KCNJ6: variants seen among roughly 807,000 people sequenced by gnomAD.
KCNJ6 encodes the protein potassium inwardly rectifying channel subfamily J member 6, also known as G protein-activated inward rectifier potassium channel 2.
Under a neutral mutation model 34.2 loss-of-function variants are expected in KCNJ6, and 9 were observed. That is an observed-to-expected ratio of 0.26 (90% CI 0.16 to 0.46). The LOEUF is 0.46. Ranked by LOEUF, KCNJ6 falls within the 20% of genes least tolerant of loss-of-function variation. KCNJ6 has a pLI of 1.00. For synonymous variants in KCNJ6, 196 were observed against 207.1 expected (o/e 0.95, Z 0.46); for missense variants, 236 against 531.3 (o/e 0.44, Z 5.46).
At chr21:37,682,825 T>C (rs1361363649) in intron 3 of KCNJ6, among the ~76,000 whole-genome samples, 1 of 152,166 alleles carries the variant, frequency 6.6e-6, no homozygotes, top group Non-Finnish European at 1.5e-5. Context: ...GGGCCAATTC[T>C]GGGTCCTGCT....
intron 3 of KCNJ6, among the ~76,000 whole-genome samples, chr21:37,662,231 G>C (rs540674972): frequency 4.6e-5 from 7 of 152,126 alleles, no homozygotes; most frequent in Non-Finnish European, 7.4e-5. Context: ...AGCATTAACT[G>C]TTTTTCTTGA....
intron 2 of KCNJ6, among the ~76,000 whole-genome samples, chr21:37,731,314 G>A (rs1410379351): frequency 6.6e-6 from 1 of 152,102 alleles, no homozygotes; most frequent in East Asian, 1.9e-4. Context: ...TGGGGATGGA[G>A]GAGAAGGGAT....
At chr21:37,801,245 T>C (rs913566794) in intron 2 of KCNJ6, among the ~76,000 whole-genome samples, 1 of 152,190 alleles carries the variant, frequency 6.6e-6, no homozygotes, top group African/African-American at 2.4e-5. Context: ...TCATTTATTG[T>C]CTGGGTTTTG....
intron 2 of KCNJ6, among the ~76,000 whole-genome samples, chr21:37,737,462 C>T (rs977952644): frequency 6.6e-6 from 1 of 151,888 alleles, no homozygotes; most frequent in Admixed American, 6.5e-5. Context: ...TCTCTGTTGG[C>T]GTTTGTTTGT....
chr21:37,876,764 T>A (rs997843313), intron 1 of KCNJ6, among the ~76,000 whole-genome samples: 2 of 152,052 alleles, frequency 1.3e-5, no homozygotes, highest in African/African-American at 4.8e-5. Flanking sequence ...CCAGCAACAA[T>A]TGGACAAGTT....
At chr21:37,899,060 C>T (rs79300399) in intron 1 of KCNJ6, among the ~76,000 whole-genome samples, 2,274 of 152,246 alleles carry the variant, frequency 0.015, 112 homozygotes, top group East Asian at 0.13. Context: ...ATATTTCCCT[C>T]CTTCTGTTAA....
chr21:37,859,630 T>C (rs1310815503), intron 1 of KCNJ6, among the ~76,000 whole-genome samples: 3 of 150,600 alleles, frequency 2.0e-5, no homozygotes, highest in Non-Finnish European at 4.4e-5. Flanking sequence ...ATGGTAGTTG[T>C]ACTGTATCTC....
chr21:37,710,939 C>T (rs971402024), intron 3 of KCNJ6, among the ~76,000 whole-genome samples: 1 of 152,140 alleles, frequency 6.6e-6, no homozygotes, highest in African/African-American at 2.4e-5. Flanking sequence ...GATTCATTTT[C>T]AAAAATAGAA....
At chr21:37,821,976 C>G (rs2055375136) in intron 2 of KCNJ6, among the ~76,000 whole-genome samples, 1 of 152,168 alleles carries the variant, frequency 6.6e-6, no homozygotes, top group Non-Finnish European at 1.5e-5. Flanking sequence ...GACTGCATAT[C>G]TGAGTCAATG....
chr21:37,791,238 C>T (rs2055215429), intron 2 of KCNJ6, among the ~76,000 whole-genome samples: 3 of 152,114 alleles, frequency 2.0e-5, no homozygotes, highest in African/African-American at 4.8e-5. Context: ...CATTTGGGGG[C>T]ATTTAATAAA....
In KCNJ6 at chr21:37,609,281, A is replaced by T. The variant is rs983260456; in HGVS notation, c.*15878T>A. On this transcript the variant is annotated 3_prime_UTR_variant, in exon 4 of 4. Transcript: ENST00000609713. ...GCTTTCTTTGCTTAACTAGTTCTTGAAAATTCTGTGTGATGGTGAGAATAA... is the reference window on the plus strand; with the variant it reads ...GCTTTCTTTGCTTAACTAGTTCTTGTAAATTCTGTGTGATGGTGAGAATAA... 8 of 152,174 alleles carry T rather than the reference A, an allele frequency of 5.3e-5. No homozygotes were observed. The highest frequency in any genetic ancestry group is 1.9e-4 in the African/African-American group (8 of 41,430). 9.4% of individuals were successfully genotyped at this position (152,174 alleles called of 1,614,324 possible).
intron 2 of KCNJ6, among the ~76,000 whole-genome samples, chr21:37,811,200 G>A (rs576956305): frequency 6.6e-6 from 1 of 152,272 alleles, no homozygotes; most frequent in Non-Finnish European, 1.5e-5. Context: ...ACTCCATGGG[G>A]ATAGGAACCC....
chr21:37,686,872 C>A (rs1372268181), intron 3 of KCNJ6, among the ~76,000 whole-genome samples: 2 of 151,812 alleles, frequency 1.3e-5, no homozygotes, highest in Non-Finnish European at 2.9e-5. Flanking sequence ...GTAGGCTTGA[C>A]AGGAAGGAAG....
intron 2 of KCNJ6, among the ~76,000 whole-genome samples, chr21:37,730,674 G>A (rs1328355663): frequency 6.6e-6 from 1 of 152,220 alleles, no homozygotes; most frequent in Non-Finnish European, 1.5e-5. Flanking sequence ...TGGAAGCTAA[G>A]AGCCTGCTTG....
chr21:37,721,711 C>T (rs1047429706), intron 2 of KCNJ6, among the ~76,000 whole-genome samples: 1 of 152,228 alleles, frequency 6.6e-6, no homozygotes, highest in Non-Finnish European at 1.5e-5. Flanking sequence ...CAGGCTACAA[C>T]ATGGCCTCAT....
Position 37,609,753 on chromosome 21 carries a change from C to T in KCNJ6, c.*15406G>A, listed in dbSNP as rs761784097. The T allele has an allele frequency of 6.6e-6, 1 of 151,750 alleles. No homozygotes were observed. The highest frequency in any genetic ancestry group is 1.5e-5 in the Non-Finnish European group (1 of 67,972). 9.4% of individuals were successfully genotyped at this position (151,750 alleles called of 1,614,324 possible). A position where few individuals can be genotyped will look rare whatever the true frequency, so the allele number is the denominator to read the frequency against. On this transcript the variant is annotated 3_prime_UTR_variant, in exon 4 of 4. Transcript: ENST00000609713. ...TTTGTTTTGTTTTTCTGACTGGGGCCCTAGGTGCATGCTTTAGGGAGGGTA... is the reference window on the plus strand; with the variant it reads ...TTTGTTTTGTTTTTCTGACTGGGGCTCTAGGTGCATGCTTTAGGGAGGGTA...
At chr21:37,671,983 A>G (rs2054544337) in intron 3 of KCNJ6, among the ~76,000 whole-genome samples, 1 of 152,110 alleles carries the variant, frequency 6.6e-6, no homozygotes, top group Non-Finnish European at 1.5e-5. Context: ...TTCTCTGTAT[A>G]AGATCATGTT....
chr21:37,787,876 T>C (rs2055199584), intron 2 of KCNJ6, among the ~76,000 whole-genome samples: 1 of 152,242 alleles, frequency 6.6e-6, no homozygotes, highest in African/African-American at 2.4e-5. Flanking sequence ...TTTAAGGTCA[T>C]GGTTCCATCA....
chr21:37,751,210 G>A (rs746452975), intron 2 of KCNJ6, among the ~76,000 whole-genome samples: 2 of 152,184 alleles, frequency 1.3e-5, no homozygotes, highest in East Asian at 1.9e-4. Context: ...AGTAGCCTTT[G>A]CCCCTAATCT....
Sources: gnomAD v4.1 joint callset for allele counts (sites outside exome capture counted in the v4.1 genomes callset) on GRCh38, gnomAD v4.1.1 for gene constraint, MANE v1.5 for transcripts, NCBI Gene and HGNC (gene_info 2026-07-23, HGNC 2026-07-21) for gene names.